TNKS2: variants seen among roughly 807,000 people sequenced by gnomAD.
TNKS2 encodes tankyrase 2.
A neutral mutation model predicts 137.6 loss-of-function variants in TNKS2; 72 were observed. The ratio of observed to expected loss-of-function variants is 0.52; its 90% confidence interval spans 0.43 to 0.64. TNKS2 has a LOEUF of 0.64. TNKS2 is among the 30% of genes least tolerant of loss of function. TNKS2 has a pLI of 0.00. For missense variants in TNKS2, 1,049 were observed against 1,410.2 expected (o/e 0.74, Z 4.10); for synonymous variants, 516 against 512.1 (o/e 1.01, Z -0.10).
intron 25 of TNKS2, among the ~76,000 whole-genome samples, chr10:91,859,934 T>A (rs1842809093): frequency 6.6e-6 from 1 of 152,204 alleles, no homozygotes; most frequent in Non-Finnish European, 1.5e-5. Flanking sequence ...TGAAAGAGGC[T>A]TTATTGTAGC....
intron 17 of TNKS2, 75 bp downstream of exon 17, chr10:91,845,103 T>A: frequency 1.1e-6 from 1 of 882,806 alleles, no homozygotes; most frequent in Non-Finnish European, 1.8e-6. Context: ...TCAAATGGAA[T>A]GTAGTTTGAT....
chr10:91,801,886 C>G (rs998495629), intron 1 of TNKS2, among the ~76,000 whole-genome samples: 12 of 152,064 alleles, frequency 7.9e-5, no homozygotes, highest in Non-Finnish European at 1.0e-4. Context: ...CAGTTAATGC[C>G]CTAGAAAACA....
Position 91,825,962 on chromosome 10 carries a change from T to C in TNKS2, c.796-1055T>C, listed in dbSNP as rs548680839. On this transcript the variant is annotated intron_variant, in intron 7 of 26. Transcript: ENST00000371627. ...AACATATATCTACCATGACAGCATATGTGCATAAAGAAATGTTTATGATAG... is the reference window on the plus strand; with the variant it reads ...AACATATATCTACCATGACAGCATACGTGCATAAAGAAATGTTTATGATAG... 6.8e-4 allele frequency among the ~76,000 whole-genome samples: 103 copies of C among 152,354 alleles called. No individual in the cohort carries two copies. In the Middle Eastern group the frequency reaches 0.027, roughly 40 times the overall value.
rs554398905 is a variant in TNKS2 at position 91,864,878 on chromosome 10, T to C, written c.*1879T>C. ...TATGTAGCCCATATTACTCACCCTATGAGTGAATCTGGAATTGCTTTTCAT... is the reference window on the plus strand; with the variant it reads ...TATGTAGCCCATATTACTCACCCTACGAGTGAATCTGGAATTGCTTTTCAT... On this transcript the variant is annotated 3_prime_UTR_variant, in exon 27 of 27. Transcript: ENST00000371627. 7.9e-5 allele frequency: 12 copies of C among 152,746 alleles called. No homozygotes were observed. Among genetic ancestry groups the C allele is most frequent in the African/African-American group, 2.6e-4 (11 of 41,572 alleles). The allele number at this position is 152,746 out of a possible 1,614,324, so 9.5% of individuals were successfully genotyped here. A position where few individuals can be genotyped will look rare whatever the true frequency, so the allele number is the denominator to read the frequency against.
At chr10:91,839,529 T>C (rs1486941118) in intron 13 of TNKS2, among the ~76,000 whole-genome samples, 3 of 151,860 alleles carry the variant, frequency 2.0e-5, no homozygotes, top group Non-Finnish European at 4.4e-5. Flanking sequence ...TGACCTCAAG[T>C]GATCTGCCCG....
rs551929201 is a variant in TNKS2, at chr10:91,864,806, A to C, written c.*1807A>C. 1 of 152,744 alleles carries C rather than the reference A, an allele frequency of 6.5e-6. No homozygotes were observed. Among genetic ancestry groups the C allele is most frequent in the African/African-American group, 2.4e-5 (1 of 41,580 alleles). 9.5% of individuals were successfully genotyped at this position (152,744 alleles called of 1,614,324 possible). On this transcript the variant is annotated 3_prime_UTR_variant, in exon 27 of 27. Coordinates refer to ENST00000371627, the MANE Select transcript of TNKS2 (RefSeq NM_025235.4). The stretch of plus-strand genomic sequence containing the variant: ...TAAGCTTCCAGGTTTTATAATTAGA[A>C]GATAATGAGAGAATTAATGGGGTTT...
intron 21 of TNKS2, among the ~76,000 whole-genome samples, chr10:91,854,633 G>A (rs537566312): frequency 2.0e-5 from 3 of 152,242 alleles, no homozygotes; most frequent in Admixed American, 1.3e-4. Context: ...GCCAGGTGCA[G>A]TGGCTCACAC....
At chr10:91,842,447 C>A (rs1335298858) in intron 16 of TNKS2, 56 bp downstream of exon 16, 3 of 1,523,142 alleles carry the variant, frequency 2.0e-6, no homozygotes, top group African/African-American at 2.8e-5. Flanking sequence ...TTCATTTTAC[C>A]CAGGTAAAAT....
Position 91,798,498 on chromosome 10 carries a change from G to C in TNKS2, c.-193G>C, listed in dbSNP as rs149184100. On this transcript the variant is annotated 5_prime_UTR_variant, in exon 1 of 27. Coordinates refer to ENST00000371627, the MANE Select transcript of TNKS2 (RefSeq NM_025235.4). Reference sequence around the variant, plus strand: ...TGCCTCCGCCGCCGCGGGGCAGCCGGGGGGCAGGGAGCCCAGCGAGGGGCG... The same window carrying C: ...TGCCTCCGCCGCCGCGGGGCAGCCGCGGGGCAGGGAGCCCAGCGAGGGGCG... 20 of 532,446 alleles carry C rather than the reference G, an allele frequency of 3.8e-5. No homozygotes were observed. The highest frequency in any genetic ancestry group is 6.1e-4 in the Middle Eastern group (1 of 1,650). The allele number at this position is 532,446 out of a possible 1,614,324, so 33.0% of individuals were successfully genotyped here.
At chr10:91,847,172 A>C (rs1335914592) in intron 18 of TNKS2, among the ~76,000 whole-genome samples, 2 of 152,226 alleles carry the variant, frequency 1.3e-5, no homozygotes, top group Non-Finnish European at 2.9e-5. Context: ...ATGGGAATGC[A>C]TAGACTGGGG....
At chr10:91,807,189 T>G (rs1254706732) in intron 1 of TNKS2, 12 of 1,607,234 alleles carry the variant, frequency 7.5e-6, no homozygotes, top group Non-Finnish European at 1.0e-5. Context: ...TCACTCAGTT[T>G]CCATGGTAAC....
chr10:91,804,149 CT>C (rs1042192200), intron 1 of TNKS2, among the ~76,000 whole-genome samples: 3 of 152,118 alleles, frequency 2.0e-5, no homozygotes, highest in African/African-American at 7.2e-5. Context: ...CTGCTTTTCT[CT>C]GTTTTCACAA....
chr10:91,801,215 AAGTT>A (rs1844155024), intron 1 of TNKS2, among the ~76,000 whole-genome samples: 1 of 152,198 alleles, frequency 6.6e-6, no homozygotes, highest in Non-Finnish European at 1.5e-5. Context: ...TCATCCCCAA[AAGTT>A]AGTTCAATTA....
At chr10:91,810,915 C>CTTCTCT (rs1844477777) in intron 1 of TNKS2, among the ~76,000 whole-genome samples, 1 of 76,716 alleles carries the variant, frequency 1.3e-5, no homozygotes, top group African/African-American at 5.5e-5. Context: ...TCTCTCTTTT[C>CTTCTCT]TTTTCTTTTT....
intron 1 of TNKS2, among the ~76,000 whole-genome samples, chr10:91,807,847 T>G (rs1564602620): frequency 1.3e-5 from 2 of 151,750 alleles, no homozygotes; most frequent in Non-Finnish European, 2.9e-5. Context: ...ACAAAAAAAA[T>G]TAGCCAGGCG....
chr10:91,857,756 G>A (rs374099005), intron 24 of TNKS2, among the ~76,000 whole-genome samples: 5 of 152,288 alleles, frequency 3.3e-5, no homozygotes, highest in African/African-American at 9.6e-5. Context: ...AGAAATGAGA[G>A]TGTTGACTAT....
At chr10:91,805,639 T>C (rs1298608763) in intron 1 of TNKS2, among the ~76,000 whole-genome samples, 2 of 152,176 alleles carry the variant, frequency 1.3e-5, no homozygotes, top group Non-Finnish European at 2.9e-5. Flanking sequence ...CACATCTAAC[T>C]CTCCTTTCTG....
At position 91,859,650 on chromosome 10, in the gene TNKS2, T is replaced by TAAG. The variant is rs1564632029; in HGVS notation, c.3281+4_3281+6dup. The stretch of plus-strand genomic sequence containing the variant: ...CAGATCTTGTTACATTTGCCACAGG[T>TAAG]AAGAGATCACTTGTTCTCATTTATT... On this transcript the variant is annotated splice_region_variant and intron_variant, in intron 25 of 26. Transcript: ENST00000371627. 1 of 1,608,806 alleles carries TAAG rather than the reference T, an allele frequency of 6.2e-7. No individual in the cohort carries two copies. Among genetic ancestry groups the TAAG allele is most frequent in the Non-Finnish European group, 8.5e-7 (1 of 1,177,848 alleles).
At chr10:91,830,890 T>A in intron 9 of TNKS2, 33 bp from the exon 10 acceptor site, 1 of 1,513,160 alleles carries the variant, frequency 6.6e-7, no homozygotes, top group Non-Finnish European at 9.1e-7. Flanking sequence ...TTATGTATAG[T>A]CCTTGATTAA....
Sources: allele counts gnomAD v4.1 joint callset (sites outside exome capture counted in the v4.1 genomes callset), GRCh38; gene constraint gnomAD v4.1.1; transcripts MANE v1.5; gene names NCBI Gene and HGNC (gene_info 2026-07-23, HGNC 2026-07-21).